Variants in REV3L observed in about 807,000 individuals in gnomAD.
REV3L encodes the protein REV3 like, DNA directed polymerase zeta catalytic subunit, also known as DNA polymerase zeta catalytic subunit.
A neutral mutation model predicts 299.4 loss-of-function variants in REV3L; 69 were observed. That is an observed-to-expected ratio of 0.23 (90% confidence interval 0.19 to 0.28). The LOEUF is 0.28. Ranked by LOEUF, REV3L falls within the 10% of genes least tolerant of loss-of-function variation. REV3L has a pLI of 1.00. For missense variants in REV3L, 3,128 were observed against 3,693.8 expected (o/e 0.85, Z 3.97); for synonymous variants, 1,238 against 1,271.4 (o/e 0.97, Z 0.56).
At chr6:111,382,159 T>C (rs1780895437) in intron 9 of REV3L, among the ~76,000 whole-genome samples, 1 of 152,218 alleles carries the variant, frequency 6.6e-6, no homozygotes, top group South Asian at 2.1e-4. Context: ...TTAGTCCATG[T>C]GGCCATATGG....
intron 20 of REV3L, 93 bp from the exon 21 acceptor site, chr6:111,344,136 A>G: frequency 1.4e-6 from 1 of 735,818 alleles, no homozygotes; most frequent in Non-Finnish European, 2.2e-6. Flanking sequence ...TAAACTTTTC[A>G]TAGTAGATAT....
intron 25 of REV3L, among the ~76,000 whole-genome samples, chr6:111,325,438 C>T (rs575582972): frequency 5.5e-4 from 83 of 152,272 alleles, no homozygotes; most frequent in African/African-American, 1.5e-3. Flanking sequence ...TCTTGTCTTT[C>T]TCTATGATGG....
At chr6:111,401,081 C>A (rs1321372265) in intron 4 of REV3L, among the ~76,000 whole-genome samples, 1 of 152,094 alleles carries the variant, frequency 6.6e-6, no homozygotes, top group Non-Finnish European at 1.5e-5. Flanking sequence ...AAATATAGGT[C>A]TATTTCTGGA....
At chr6:111,418,140 G>C (rs993213761) in intron 1 of REV3L, among the ~76,000 whole-genome samples, 21 of 152,080 alleles carry the variant, frequency 1.4e-4, no homozygotes, top group African/African-American at 4.8e-4. Context: ...AGAGTAACTG[G>C]TATGCTAAAC....
chr6:111,471,410 C>T (rs1230193816), intron 1 of REV3L, among the ~76,000 whole-genome samples: 1 of 152,136 alleles, frequency 6.6e-6, no homozygotes, highest in Non-Finnish European at 1.5e-5. Flanking sequence ...AAATCTCATA[C>T]CACAATGTGC....
intron 1 of REV3L, among the ~76,000 whole-genome samples, chr6:111,441,169 T>C (rs1205405838): frequency 6.6e-6 from 1 of 152,260 alleles, no homozygotes; most frequent in East Asian, 1.9e-4. Flanking sequence ...CTGTTATAGA[T>C]TTTATTTCTA....
At position 111,390,072 on chromosome 6, in the gene REV3L, A is replaced by G. The variant is rs368571293; in HGVS notation, c.757+14T>C. 5 of 1,539,650 alleles carry G rather than the reference A, an allele frequency of 3.2e-6. No individual in the cohort carries two copies. The African/African-American group carries it at 5.5e-5, about 17-fold the overall frequency. Reference sequence around the variant, plus strand: ...AAAAATAAAAACATATATTAAGAATAATTGTGTATGAACCTTCAATGTCCA... The same window carrying G: ...AAAAATAAAAACATATATTAAGAATGATTGTGTATGAACCTTCAATGTCCA... On this transcript the variant is annotated intron_variant, in intron 6 of 31. Coordinates refer to ENST00000368802, the MANE Select transcript of REV3L (RefSeq NM_001372078.1).
chr6:111,370,471 T>C (rs1282921424), intron 13 of REV3L, among the ~76,000 whole-genome samples: 1 of 152,236 alleles, frequency 6.6e-6, no homozygotes, highest in Non-Finnish European at 1.5e-5. Flanking sequence ...ATTCTGCATT[T>C]CTGATAACCT....
In REV3L at chr6:111,303,906, G is replaced by T. The variant is rs546970526; in HGVS notation, c.9252+3455C>A. Among the ~76,000 whole-genome samples, 4 of 151,606 alleles carry T rather than the reference G, an allele frequency of 2.6e-5. No individual in the cohort carries two copies. The South Asian group carries it at 8.3e-4, about 32-fold the overall frequency. On this transcript the variant is annotated intron_variant, in intron 31 of 31. Coordinates refer to ENST00000368802, the MANE Select transcript of REV3L (RefSeq NM_001372078.1). ...TGGCTAATTTTTGTATTTTTTAGTA[G>T]AGCTGGGGTTTCTCCATGTTGGCCA...
intron 1 of REV3L, among the ~76,000 whole-genome samples, chr6:111,434,196 T>C (rs1176811892): frequency 6.6e-6 from 1 of 152,064 alleles, no homozygotes; most frequent in African/African-American, 2.4e-5. Flanking sequence ...TCCAGAGCAA[T>C]GAGGCAAGAG....
rs1294822474 is a variant in REV3L, at chr6:111,337,684, AATT to A, written c.7539-2077_7539-2075del. Among the ~76,000 whole-genome samples the A allele has an allele frequency of 4.6e-5, 7 of 152,280 alleles. No individual in the cohort carries two copies. The East Asian group carries it at 5.8e-4, about 13-fold the overall frequency. On this transcript the variant is annotated intron_variant, in intron 21 of 31. Transcript: ENST00000368802. ...TAACAATGAAGATTATAGTTTTTAA[AATT>A]ATTATGAGTTTGATAGACAAAAAAT...
intron 1 of REV3L, among the ~76,000 whole-genome samples, chr6:111,438,927 C>A (rs1370180547): frequency 1.3e-5 from 2 of 151,682 alleles, no homozygotes; most frequent in South Asian, 2.1e-4. Context: ...TATTAAAAGA[C>A]AAAAAAAACA....
chr6:111,419,393 G>C (rs1025598442), intron 1 of REV3L, among the ~76,000 whole-genome samples: 34 of 152,146 alleles, frequency 2.2e-4, no homozygotes, highest in African/African-American at 7.2e-4. Context: ...TTTGGAAATA[G>C]TATGTCTTTT....
intron 1 of REV3L, among the ~76,000 whole-genome samples, chr6:111,459,795 G>T (rs1790549005): frequency 1.3e-5 from 2 of 152,098 alleles, no homozygotes; most frequent in Non-Finnish European, 1.5e-5. Context: ...GTGGAGAAAA[G>T]GGAAAACCTT....
At position 111,373,860 on chromosome 6, in the gene REV3L, C is replaced by T; in HGVS notation, c.4495G>A (p.Ala1499Thr). 6.2e-7 allele frequency: 1 copy of T among 1,614,042 alleles called. No individual in the cohort carries two copies. The change falls in exon 13 of 32, where the codon GCA becomes ACA. Residue 1499 changes from alanine to threonine, a missense_variant. Physicochemically the swap from Ala to Thr is moderately conservative, Grantham distance 58. Around this residue, in one of 9 missense-constraint regions of REV3L, gnomAD observed 2,409 missense variants for 2,611.8 expected, o/e 0.92. Coordinates refer to ENST00000368802, the MANE Select transcript of REV3L (RefSeq NM_001372078.1). ...GAAAGTGCTTTGGTTTGTGAAATTG[C>T]TTCTGATAACGACCTCGGTTTTACT... is the stretch of plus-strand genomic sequence containing the variant. ...ERVKPRSLSE[A>T]ISQTKALSQC... is the part of the protein sequence containing the mutation.
intron 1 of REV3L, among the ~76,000 whole-genome samples, chr6:111,466,275 T>G (rs952576361): frequency 6.6e-6 from 1 of 152,194 alleles, no homozygotes; most frequent in Non-Finnish European, 1.5e-5. Flanking sequence ...GAAGCTGGGA[T>G]GTGCCAAACA....
At chr6:111,463,917 T>C (rs532247943) in intron 1 of REV3L, among the ~76,000 whole-genome samples, 1 of 152,254 alleles carries the variant, frequency 6.6e-6, no homozygotes, top group South Asian at 2.1e-4. Context: ...CCTCTGTTCA[T>C]CTACTCTAAA....
rs757394859 is a variant in REV3L at position 111,376,512 on chromosome 6, T to C, written c.1843A>G (p.Thr615Ala). 3.1e-6 allele frequency: 5 copies of C among 1,613,044 alleles called. No homozygotes were observed. The highest frequency in any genetic ancestry group is 1.7e-5 in the Admixed American group (1 of 59,808). The change falls in exon 13 of 32, where the codon ACT becomes GCT. Residue 615 changes from threonine (T) to alanine (A), a missense_variant. Physicochemically the swap from Thr to Ala is moderately conservative, Grantham distance 58. Transcript: ENST00000368802. The part of the protein sequence containing the change: ...NTEKGLDNSV[T>A]SFTNESTYSM... ...TAAGTGCTTTCGTTTGTAAAAGAAGTGACTGAGTTATCTAGACCTTTTTCT... is the reference window on the plus strand; with the variant it reads ...TAAGTGCTTTCGTTTGTAAAAGAAGCGACTGAGTTATCTAGACCTTTTTCT...
At position 111,404,212 on chromosome 6, in the gene REV3L, T is replaced by G. The variant is rs548377166; in HGVS notation, c.565+1258A>C. 2.0e-4 allele frequency among the ~76,000 whole-genome samples: 30 copies of G among 152,342 alleles called. No homozygotes were observed. In the South Asian group the frequency reaches 2.9e-3, roughly 15 times the overall value. On this transcript the variant is annotated intron_variant, in intron 4 of 31. Coordinates refer to ENST00000368802, the MANE Select transcript of REV3L (RefSeq NM_001372078.1). ...GGGCCCTTAAGAATTATGCTAAATCTACTCTGCCTGTGTTCTATAAGTGGA... is the reference window on the plus strand; with the variant it reads ...GGGCCCTTAAGAATTATGCTAAATCGACTCTGCCTGTGTTCTATAAGTGGA...
Sources: allele counts gnomAD v4.1 joint callset (sites outside exome capture counted in the v4.1 genomes callset), GRCh38; gene constraint gnomAD v4.1.1; regional missense constraint gnomAD v4.1.1; transcripts MANE v1.5; gene names NCBI Gene and HGNC (gene_info 2026-07-23, HGNC 2026-07-21).